RNF121: variants seen among roughly 807,000 people sequenced by gnomAD.
RNF121 encodes the protein ring finger protein 121, also known as E3 ubiquitin ligase RNF121.
A neutral mutation model predicts 46.5 loss-of-function variants in RNF121; 21 were observed. The ratio of observed to expected loss-of-function variants is 0.45; its 90% CI spans 0.32 to 0.65. The LOEUF (loss-of-function observed/expected upper bound fraction) is 0.65. RNF121 is among the 30% of genes least tolerant of loss of function. The pLI is 0.04. For synonymous variants in RNF121, 139 were observed against 144.7 expected (o/e 0.96, Z 0.28); for missense variants, 346 against 416.0 (o/e 0.83, Z 1.46).
intron 1 of RNF121, chr11:71,939,675 T>C (rs930852651): frequency 6.6e-6 from 1 of 152,276 alleles, no homozygotes; most frequent in Non-Finnish European, 1.5e-5. Flanking sequence ...AGCTTGTAAG[T>C]GGAGGTGGGA....
chr11:71,979,074 C>A (rs1036272236), intron 3 of RNF121, among the ~76,000 whole-genome samples: 5 of 152,180 alleles, frequency 3.3e-5, no homozygotes, highest in African/African-American at 1.2e-4. Flanking sequence ...GACTAGAGGT[C>A]ATGTTTATTT....
At chr11:71,994,496 G>C (rs1954932880) in intron 6 of RNF121, among the ~76,000 whole-genome samples, 1 of 151,786 alleles carries the variant, frequency 6.6e-6, no homozygotes, top group African/African-American at 2.4e-5. Context: ...ACTGTCTCTA[G>C]TCTGGTCACT....
intron 4 of RNF121, among the ~76,000 whole-genome samples, chr11:71,983,408 G>A (rs184725578): frequency 4.1e-4 from 63 of 152,306 alleles, no homozygotes; most frequent in African/African-American, 1.5e-3. Flanking sequence ...CTGCCATGGG[G>A]CCTGGCACAT....
At chr11:71,949,036 A>G (rs1211035314) in intron 1 of RNF121, among the ~76,000 whole-genome samples, 3 of 152,166 alleles carry the variant, frequency 2.0e-5, no homozygotes, top group Non-Finnish European at 2.9e-5. Context: ...ATTATTTTAT[A>G]TTTAATAGTC....
At chr11:71,965,544 C>A (rs148377190) in intron 3 of RNF121, among the ~76,000 whole-genome samples, 1 of 152,106 alleles carries the variant, frequency 6.6e-6, no homozygotes, top group Non-Finnish European at 1.5e-5. Context: ...CCACGCCTGG[C>A]CTGCATAGTA....
chr11:71,938,908 C>CT (rs554057097), intron 1 of RNF121: 215 of 149,830 alleles, frequency 1.4e-3, no homozygotes, highest in Admixed American at 2.0e-3. Flanking sequence ...CATCTAAACT[C>CT]TTTTTTTTTT....
chr11:71,985,022 A>G (rs1954745962), intron 4 of RNF121, among the ~76,000 whole-genome samples: 1 of 151,938 alleles, frequency 6.6e-6, no homozygotes, highest in East Asian at 1.9e-4. Context: ...CCTAGGCTCA[A>G]CCAATTTTCC....
At chr11:71,967,349 G>GTTTTTTTTTTTTTTT (rs770121817) in intron 3 of RNF121, among the ~76,000 whole-genome samples, 6 of 100,542 alleles carry the variant, frequency 6.0e-5, no homozygotes, top group African/African-American at 2.0e-4. Context: ...GGTTTTTTTT[G>GTTTTTTTTTTTTTTT]TTTTTTTTTT....
intron 1 of RNF121, among the ~76,000 whole-genome samples, chr11:71,950,207 G>A (rs541868980): frequency 6.6e-6 from 1 of 152,288 alleles, no homozygotes; most frequent in East Asian, 1.9e-4. Context: ...TTTACAGTTA[G>A]CAGATACTTG....
chr11:71,980,713 A>G (rs569845429), intron 3 of RNF121, among the ~76,000 whole-genome samples: 1 of 152,288 alleles, frequency 6.6e-6, no homozygotes, highest in South Asian at 2.1e-4. Flanking sequence ...ACTAAACACT[A>G]AAACTGCTCT....
intron 6 of RNF121, 124 bp downstream of exon 6, chr11:71,990,841 T>C: frequency 8.7e-7 from 1 of 1,145,638 alleles, no homozygotes. Context: ...TCCTTCAAGA[T>C]GTGCATATGC....
At chr11:71,931,533 C>G (rs768229344) in intron 1 of RNF121, among the ~76,000 whole-genome samples, 1 of 152,166 alleles carries the variant, frequency 6.6e-6, no homozygotes, top group Non-Finnish European at 1.5e-5. Context: ...TGTGAAACAG[C>G]AGGTGAAATC....
intron 1 of RNF121, among the ~76,000 whole-genome samples, chr11:71,942,039 T>C (rs749130093): frequency 3.2e-4 from 48 of 151,768 alleles, no homozygotes; most frequent in Middle Eastern, 3.4e-3. Flanking sequence ...TTCGTGCCAT[T>C]CTCCTGCCTC....
chr11:71,994,574 T>A lies in RNF121; in HGVS notation c.628-145T>A, dbSNP rs912208493. On this transcript the variant is annotated intron_variant, in intron 6 of 8. Coordinates refer to ENST00000361756, the MANE Select transcript of RNF121 (RefSeq NM_018320.5). ...AAAAGATTACCTTTTCTAAACAGTTTAAAAAAAAAAAGATGTCCTCTAACT... is the reference window on the plus strand; with the variant it reads ...AAAAGATTACCTTTTCTAAACAGTTAAAAAAAAAAAAGATGTCCTCTAACT... The A allele has an allele frequency of 5.5e-5, 40 of 728,126 alleles. No individual in the cohort carries two copies. The Middle Eastern group carries it at 8.7e-4, about 16-fold the overall frequency. 45.1% of individuals were successfully genotyped at this position (728,126 alleles called of 1,614,324 possible).
At chr11:71,943,144 A>T (rs1953626413) in intron 1 of RNF121, among the ~76,000 whole-genome samples, 1 of 152,248 alleles carries the variant, frequency 6.6e-6, no homozygotes, top group Non-Finnish European at 1.5e-5. Flanking sequence ...CAGGGATAGC[A>T]GAGACGATGG....
intron 1 of RNF121, among the ~76,000 whole-genome samples, chr11:71,946,790 G>A (rs1953733153): frequency 6.6e-6 from 1 of 150,884 alleles, no homozygotes; most frequent in Non-Finnish European, 1.5e-5. Flanking sequence ...TCAGCTCACT[G>A]CAGCCTCTGC....
At chr11:71,965,172 C>T (rs897200979) in intron 3 of RNF121, among the ~76,000 whole-genome samples, 9 of 151,988 alleles carry the variant, frequency 5.9e-5, no homozygotes, top group Admixed American at 3.3e-4. Context: ...GGTTCTGCGG[C>T]ATTTTTCACC....
chr11:71,935,524 A>G (rs1311914132), intron 1 of RNF121, among the ~76,000 whole-genome samples: 1 of 152,204 alleles, frequency 6.6e-6, no homozygotes, highest in African/African-American at 2.4e-5. Context: ...AACTGGAGTC[A>G]TGGTATTTGT....
chr11:71,957,207 C>A lies in RNF121; in HGVS notation c.64-20C>A. 1 of 1,562,108 alleles carries A rather than the reference C, an allele frequency of 6.4e-7. No homozygotes were observed. The highest frequency in any genetic ancestry group is 8.8e-7 in the Non-Finnish European group (1 of 1,132,560). On this transcript the variant is annotated intron_variant, in intron 1 of 8. Coordinates refer to ENST00000361756, the MANE Select transcript of RNF121 (RefSeq NM_018320.5). ...AGTTTTAAGACAGTAACGGATTTTT[C>A]TGGTGGTGTCTTTCTACAGGTTGAT...
Sources: allele counts gnomAD v4.1 joint callset (sites outside exome capture counted in the v4.1 genomes callset), GRCh38; gene constraint gnomAD v4.1.1; transcripts MANE v1.5; gene names NCBI Gene and HGNC (gene_info 2026-07-23, HGNC 2026-07-21).